The following UGT2B15 variants were observed in gnomAD, a reference collection of about 807,000 sequenced individuals.
UGT2B15 encodes UDP-glucuronosyltransferase 2B15.
A neutral mutation model predicts 45.9 loss-of-function variants in UGT2B15; 36 were observed. The ratio of observed to expected loss-of-function variants is 0.78; its 90% confidence interval spans 0.60 to 1.04. UGT2B15 has a LOEUF of 1.04. UGT2B15 is among the 50% of genes least tolerant of loss of function. The pLI is 0.00. For synonymous variants in UGT2B15, 219 were observed against 216.4 expected (o/e 1.01, Z -0.11); for missense variants, 617 against 622.4 (o/e 0.99, Z 0.09).
chr4:68,670,180 C>A lies in UGT2B15; in HGVS notation c.439G>T (p.Asp147Tyr), dbSNP rs764241096. Residue 147 changes from aspartate to tyrosine, a missense_variant, in exon 1 of 6, where the codon GAT becomes TAT. Coordinates refer to ENST00000338206, the MANE Select transcript of UGT2B15 (RefSeq NM_001076.4). ...TTAAGGGCATCTGCCAGAATGACAT[C>A]AAACTTTGACTCTTGTAGTTTCATC... ...LMMKLQESKFDVILADALNPC... is the reference protein window; with the variant it reads ...LMMKLQESKFYVILADALNPC... 9.3e-6 allele frequency: 15 copies of A among 1,613,952 alleles called. No individual in the cohort carries two copies. In the Admixed American group the frequency reaches 2.5e-4, roughly 27 times the overall value.
chr4:68,647,521 T>C, intron 5 of UGT2B15, 138 bp from the exon 6 acceptor site: 1 of 1,102,256 alleles, frequency 9.1e-7, no homozygotes, highest in Non-Finnish European at 1.2e-6. Flanking sequence ...AATTTCAATG[T>C]TTTAATTCAT....
chr4:68,654,847 G>T (rs1732757398), intron 4 of UGT2B15, among the ~76,000 whole-genome samples: 1 of 151,894 alleles, frequency 6.6e-6, no homozygotes, highest in Admixed American at 6.6e-5. Flanking sequence ...ACCTGTGAGA[G>T]GAAATTACAC....
At position 68,663,233 on chromosome 4, in the gene UGT2B15, G is replaced by A; in HGVS notation, c.874-94C>T. On this transcript the variant is annotated intron_variant, in intron 2 of 5. Transcript: ENST00000338206. ...ACAAACATCTAAGATGAGAAAGTCA[G>A]AAGCTATTGGAGTAATTTTTTTAAA... The A allele has an allele frequency of 3.9e-6, 5 of 1,267,792 alleles. 1 individual carries two copies. Among genetic ancestry groups the A allele is most frequent in the Non-Finnish European group, 5.3e-6 (5 of 948,686 alleles). The allele number at this position is 1,267,792 out of a possible 1,614,324, so 78.5% of individuals were successfully genotyped here. A position where few individuals can be genotyped will look rare whatever the true frequency, so the allele number is the denominator to read the frequency against.
At chr4:68,664,278 A>AAAG (rs1553924948) in intron 2 of UGT2B15, among the ~76,000 whole-genome samples, 2 of 149,480 alleles carry the variant, frequency 1.3e-5, no homozygotes, top group African/African-American at 4.9e-5. Flanking sequence ...AAAAAAAAAA[A>AAAG]AGAGAGAGAG....
rs377477047 is a variant in UGT2B15, at chr4:68,655,193, A to G, written c.1006-11T>C. On this transcript the variant is annotated splice_polypyrimidine_tract_variant and intron_variant, in intron 3 of 5. Transcript: ENST00000338206. ...AAATCTCCATAGAACCTGTTAGGGC[A>G]AGGAAAATATCTTGTTCAATGAATA... is the stretch of plus-strand genomic sequence containing the variant. 2.4e-5 allele frequency: 38 copies of G among 1,612,558 alleles called. No homozygotes were observed. In the African/African-American group the frequency reaches 5.1e-4, roughly 22 times the overall value.
At chr4:68,667,856 G>A (rs1329155628) in intron 2 of UGT2B15, among the ~76,000 whole-genome samples, 184 bp downstream of exon 2, 1 of 152,156 alleles carries the variant, frequency 6.6e-6, no homozygotes, top group Non-Finnish European at 1.5e-5. Context: ...AACCTCTTTG[G>A]TCTTTAATGA....
intron 3 of UGT2B15, among the ~76,000 whole-genome samples, chr4:68,658,192 T>G (rs556164024): frequency 4.6e-5 from 7 of 152,138 alleles, no homozygotes; most frequent in African/African-American, 1.7e-4. Flanking sequence ...TTGGCATGCT[T>G]AATGTGTGTA....
At chr4:68,669,037 T>A (rs1163608911) in intron 1 of UGT2B15, among the ~76,000 whole-genome samples, 2 of 151,810 alleles carry the variant, frequency 1.3e-5, no homozygotes, top group African/African-American at 2.4e-5. Flanking sequence ...AGCTAGTCCC[T>A]TGATCCTTGG....
intron 5 of UGT2B15, among the ~76,000 whole-genome samples, chr4:68,650,391 C>T (rs1421162617): frequency 2.0e-5 from 3 of 151,980 alleles, no homozygotes; most frequent in Admixed American, 1.3e-4. Context: ...TAAGTGAGAA[C>T]ATGTGGTGTT....
At position 68,665,813 on chromosome 4, in the gene UGT2B15, G is replaced by C. The variant is rs557066513; in HGVS notation, c.873+2227C>G. 2.6e-5 allele frequency among the ~76,000 whole-genome samples: 4 copies of C among 152,242 alleles called. No homozygotes were observed. In the South Asian group the frequency reaches 8.3e-4, roughly 32 times the overall value. ...TGTAATCCCAGCACTTTGGGAGGCT[G>C]AGGCATGTGGATCACCTGAGGTCAG... is the stretch of plus-strand genomic sequence containing the variant. On this transcript the variant is annotated intron_variant, in intron 2 of 5. Coordinates refer to ENST00000338206, the MANE Select transcript of UGT2B15 (RefSeq NM_001076.4).
At chr4:68,660,668 T>TC (rs1291246294) in intron 3 of UGT2B15, among the ~76,000 whole-genome samples, 2 of 152,006 alleles carry the variant, frequency 1.3e-5, no homozygotes, top group African/African-American at 4.8e-5. Flanking sequence ...CTAATGTTTT[T>TC]CAACTTTTAT....
At chr4:68,660,367 G>C (rs186796670) in intron 3 of UGT2B15, among the ~76,000 whole-genome samples, 1 of 151,800 alleles carries the variant, frequency 6.6e-6, no homozygotes, top group African/African-American at 2.4e-5. Flanking sequence ...CCCAAGAGGA[G>C]AGGAATTCAC....
chr4:68,647,198 G>T lies in UGT2B15; in HGVS notation c.1499C>A (p.Ala500Asp), dbSNP rs763978899. 6.2e-7 allele frequency: 1 copy of T among 1,613,862 alleles called. No individual in the cohort carries two copies. The highest frequency in any genetic ancestry group is 1.7e-5 in the Admixed American group (1 of 60,008). Residue 500 changes from alanine (A) to aspartate (D), a missense_variant, in exon 6 of 6, where the codon GCC becomes GAC. Coordinates refer to ENST00000338206, the MANE Select transcript of UGT2B15 (RefSeq NM_001076.4). ...GATAAATATCACAGTTGCCACGCAG[G>T]CCAGCAGGAATGCTATCACATCCAA... ...HSLDVIAFLL[A>D]CVATVIFIIT...
intron 2 of UGT2B15, among the ~76,000 whole-genome samples, chr4:68,665,945 G>T (rs561493319): frequency 1.3e-5 from 2 of 152,230 alleles, no homozygotes; most frequent in African/African-American, 2.4e-5. Context: ...TACTCGGGAG[G>T]CTGAGGCAGG....
At chr4:68,651,147 T>C (rs1484291438) in intron 5 of UGT2B15, among the ~76,000 whole-genome samples, 1 of 152,038 alleles carries the variant, frequency 6.6e-6, no homozygotes, top group East Asian at 1.9e-4. Flanking sequence ...CAGAAGCTCT[T>C]TAGTTTGATT....
At chr4:68,650,981 T>G (rs957689447) in intron 5 of UGT2B15, among the ~76,000 whole-genome samples, 1 of 145,590 alleles carries the variant, frequency 6.9e-6, no homozygotes, top group Admixed American at 7.3e-5. Flanking sequence ...TTTTGCCCAC[T>G]TTTTGATGGT....
At position 68,670,580 on chromosome 4, in the gene UGT2B15, C is replaced by T. The variant is rs751122444; in HGVS notation, c.39G>A (p.Gln13=). 35 of 1,592,852 alleles carry T rather than the reference C, an allele frequency of 2.2e-5. 1 individual carries two copies. In the South Asian group the frequency reaches 3.9e-4, roughly 18 times the overall value. ...TTCCAGAGCTAAAGTAACAACTGAG[C>T]TGTATCAGCAGAAAGACTGACGTCC... The part of the protein sequence containing the change: ...LKWTSVFLLI[Q]LSCYFSSGSC... Residue 13 remains glutamine, a synonymous_variant, in exon 1 of 6, where the codon CAG becomes CAA. Transcript: ENST00000338206.
At chr4:68,668,287 C>A in intron 1 of UGT2B15, 99 bp from the exon 2 acceptor site, 1 of 1,537,492 alleles carries the variant, frequency 6.5e-7, no homozygotes, top group South Asian at 1.2e-5. Context: ...ATAACATACC[C>A]AAACATATAT....
intron 2 of UGT2B15, among the ~76,000 whole-genome samples, chr4:68,666,001 G>A (rs948433758): frequency 6.6e-6 from 1 of 152,102 alleles, no homozygotes; most frequent in African/African-American, 2.4e-5. Flanking sequence ...TCAGTGAGCC[G>A]AGATCATGCT....
Sources: allele counts gnomAD v4.1 joint callset (sites outside exome capture counted in the v4.1 genomes callset), GRCh38; gene constraint gnomAD v4.1.1; transcripts MANE v1.5; gene names NCBI Gene and HGNC (gene_info 2026-07-23, HGNC 2026-07-21).